The following NUMA1 variants were observed in gnomAD, a reference collection of about 807,000 sequenced individuals.
NUMA1 encodes the protein nuclear mitotic apparatus protein 1, also known as SP-H antigen.
Under a neutral mutation model 237.1 loss-of-function variants are expected in NUMA1, and 62 were observed. The ratio of observed to expected loss-of-function variants is 0.26; its 90% CI spans 0.21 to 0.32. The LOEUF (loss-of-function observed/expected upper bound fraction) is 0.32. Among genes scored for constraint, NUMA1 ranks in the 10% least tolerant of loss-of-function variants. NUMA1 has a pLI of 1.00. For missense variants in NUMA1, 2,533 were observed against 2,666.5 expected, an observed-to-expected ratio of 0.95 and a Z score of 1.10; for synonymous variants, 1,028 against 1,066.1, an observed-to-expected ratio of 0.96 and a Z score of 0.70.
Position 72,002,912 on chromosome 11 carries a change from G to A in NUMA1, c.*615C>T, listed in dbSNP as rs779520414. 1.7e-5 allele frequency: 4 copies of A among 230,794 alleles called. No homozygotes were observed. The highest frequency in any genetic ancestry group is 5.7e-5 in the Admixed American group (1 of 17,672). The allele number at this position is 230,794 out of a possible 1,614,324, so 14.3% of individuals were successfully genotyped here. Reference sequence around the variant, plus strand: ...TTTACAAGTAATAACATTTAGAAAAGATCCATCCCCGGCCCTTAAAAACCT... The same window carrying A: ...TTTACAAGTAATAACATTTAGAAAAAATCCATCCCCGGCCCTTAAAAACCT... On this transcript the variant is annotated 3_prime_UTR_variant, in exon 27 of 27. Transcript: ENST00000393695.
intron 3 of NUMA1, 117 bp from the exon 4 acceptor site, chr11:72,029,407 T>TAA: frequency 1.9e-6 from 1 of 534,472 alleles, no homozygotes; most frequent in East Asian, 3.3e-5. Context: ...CAAGAACTGA[T>TAA]GATTCTCAGG....
intron 1 of NUMA1, among the ~76,000 whole-genome samples, chr11:72,074,536 T>C (rs1476098348): frequency 1.3e-5 from 2 of 151,736 alleles, no homozygotes; most frequent in Admixed American, 1.3e-4. Flanking sequence ...CTCAAGAGTT[T>C]GAGACCAGCC....
intron 2 of NUMA1, among the ~76,000 whole-genome samples, chr11:72,056,444 G>A (rs1214914801): frequency 6.7e-6 from 1 of 150,134 alleles, no homozygotes; most frequent in African/African-American, 2.5e-5. Flanking sequence ...GCCTCAACCT[G>A]CCAAGTAGCT....
intron 2 of NUMA1, among the ~76,000 whole-genome samples, chr11:72,042,767 G>A (rs540302821): frequency 1.3e-5 from 2 of 152,304 alleles, no homozygotes; most frequent in Admixed American, 6.5e-5. Flanking sequence ...CAGCAATGAG[G>A]TGAGTCAGGA....
chr11:72,017,533 G>C, intron 13 of NUMA1, 154 bp downstream of exon 13: 1 of 911,362 alleles, frequency 1.1e-6, no homozygotes, highest in South Asian at 1.3e-5. Context: ...AGGTGTACTA[G>C]ACTGAAGCCC....
At chr11:72,058,132 G>C (rs960315586) in intron 2 of NUMA1, among the ~76,000 whole-genome samples, 9 of 152,094 alleles carry the variant, frequency 5.9e-5, no homozygotes, top group Non-Finnish European at 1.0e-4. Flanking sequence ...TTCATTTCTT[G>C]CTTATACAAG....
At chr11:72,050,564 T>C (rs1210039526) in intron 2 of NUMA1, 1 of 152,204 alleles carries the variant, frequency 6.6e-6, no homozygotes, top group Non-Finnish European at 1.5e-5. Context: ...GAAGGCTGTG[T>C]CTCACATCTC....
intron 2 of NUMA1, among the ~76,000 whole-genome samples, chr11:72,054,405 T>G (rs1380164793): frequency 1.3e-5 from 2 of 151,306 alleles, no homozygotes; most frequent in Non-Finnish European, 2.9e-5. Context: ...GAGGTGGAGG[T>G]TGCAGTTAGC....
rs1938187057 is a variant in NUMA1, at chr11:72,018,303, G to A, written c.861-3C>T. ...TTTCATGCAGCCGCATGGTAAGGCT[G>A]CGAGGGAGGGAAGCAGTGAGAAGAG... On this transcript the variant is annotated splice_region_variant and splice_polypyrimidine_tract_variant and intron_variant, in intron 11 of 26. Transcript: ENST00000393695. 6.2e-7 allele frequency: 1 copy of A among 1,613,246 alleles called. No homozygotes were observed. The highest frequency in any genetic ancestry group is 8.5e-7 in the Non-Finnish European group (1 of 1,179,268).
chr11:72,021,081 C>T, intron 8 of NUMA1, 123 bp downstream of exon 8: 1 of 764,308 alleles, frequency 1.3e-6, no homozygotes, highest in Non-Finnish European at 2.3e-6. Context: ...CACACTTTTC[C>T]TGAGCATCAA....
chr11:72,016,570 C>T, intron 13 of NUMA1, 40 bp from the exon 14 acceptor site: 2 of 1,603,148 alleles, frequency 1.2e-6, no homozygotes, highest in Non-Finnish European at 1.7e-6. Context: ...AGAGGGGGAA[C>T]AGGCACCAGA....
chr11:72,022,504 G>A (rs1039152660), intron 6 of NUMA1, 85 bp from the exon 7 acceptor site: 4 of 870,296 alleles, frequency 4.6e-6, no homozygotes, highest in Non-Finnish European at 7.5e-6. Context: ...GGGACTCTGA[G>A]CTATTCCGGT....
intron 2 of NUMA1, among the ~76,000 whole-genome samples, chr11:72,038,480 C>A (rs1011344830): frequency 2.6e-5 from 4 of 152,148 alleles, no homozygotes; most frequent in African/African-American, 9.7e-5. Flanking sequence ...GACAGAACAT[C>A]AGGGTGAGAG....
intron 2 of NUMA1, among the ~76,000 whole-genome samples, chr11:72,054,684 A>C (rs1290090281): frequency 1.3e-5 from 2 of 152,154 alleles, no homozygotes; most frequent in Non-Finnish European, 2.9e-5. Context: ...CAAGCCCAAA[A>C]TCTAAACCGT....
At chr11:72,011,275 G>A (rs1197755729) in intron 16 of NUMA1, among the ~76,000 whole-genome samples, 1 of 152,174 alleles carries the variant, frequency 6.6e-6, no homozygotes, top group African/African-American at 2.4e-5. Context: ...CTCCCTCCCA[G>A]AAACTGCCAA....
chr11:72,076,037 T>A (rs574408597), intron 1 of NUMA1, among the ~76,000 whole-genome samples: 9 of 152,304 alleles, frequency 5.9e-5, no homozygotes, highest in African/African-American at 2.2e-4. Context: ...AATAAAAAAC[T>A]TGCCTTGCTC....
rs1241688799 is a variant in NUMA1, at chr11:72,024,262, A to G, written c.208+12T>C. ...AGCAGCTTCTTCATAGCTGGATAAGAAAGGTGCTTACTCTGCAGAAAACTG... is the reference window on the plus strand; with the variant it reads ...AGCAGCTTCTTCATAGCTGGATAAGGAAGGTGCTTACTCTGCAGAAAACTG... On this transcript the variant is annotated intron_variant, in intron 5 of 26. Coordinates refer to ENST00000393695, the MANE Select transcript of NUMA1 (RefSeq NM_006185.4). 1 of 1,613,368 alleles carries G rather than the reference A, an allele frequency of 6.2e-7. No individual in the cohort carries two copies. Among genetic ancestry groups the G allele is most frequent in the African/African-American group, 1.3e-5 (1 of 75,040 alleles).
In NUMA1 at chr11:72,018,900, T is replaced by C. The variant is rs1938319006; in HGVS notation, c.665A>G (p.Gln222Arg). 5.0e-6 allele frequency: 8 copies of C among 1,614,066 alleles called. No homozygotes were observed. The highest frequency in any genetic ancestry group is 6.8e-6 in the Non-Finnish European group (8 of 1,180,012). The change falls in exon 10 of 27, where the codon CAG becomes CGG. Residue 222 changes from glutamine to arginine, a missense_variant. Around this residue, in one of 3 missense-constraint regions of NUMA1, gnomAD observed 1,414 missense variants for 1,508.1 expected, o/e 0.94. Transcript: ENST00000393695. ...CCTATTACTTCTCTCATCAGCAAGC[T>C]GCTTCTTCAGCCGTCTCATCTGGAA... Reference protein sequence around the residue: ...PQFQMRRLKKQLADERSNRDE... With the variant: ...PQFQMRRLKKRLADERSNRDE...
chr11:72,077,744 G>C (rs960910614), intron 1 of NUMA1, among the ~76,000 whole-genome samples: 2 of 151,010 alleles, frequency 1.3e-5, no homozygotes, highest in Admixed American at 6.6e-5. Flanking sequence ...AACCTGGGAG[G>C]CGGAGCTTGC....
Sources: allele counts gnomAD v4.1 joint callset (sites outside exome capture counted in the v4.1 genomes callset), GRCh38; gene constraint gnomAD v4.1.1; regional missense constraint gnomAD v4.1.1; transcripts MANE v1.5; gene names NCBI Gene and HGNC (gene_info 2026-07-23, HGNC 2026-07-21).